The following GABRR1 variants were observed in gnomAD, a reference collection of about 807,000 sequenced individuals.
GABRR1 encodes gamma-aminobutyric acid type A receptor subunit rho1, also known as gamma-aminobutyric acid receptor subunit rho-1.
GABRR1 carries 59 observed loss-of-function variants against 55.5 expected under a neutral mutation model. That is an observed-to-expected ratio of 1.06 (90% confidence interval 0.86 to 1.32). The LOEUF (loss-of-function observed/expected upper bound fraction) is 1.32. Among genes scored for constraint, GABRR1 ranks in the 40% most tolerant of loss-of-function variants. The pLI is 0.00. For missense variants in GABRR1, 602 were observed against 619.1 expected (o/e 0.97, Z 0.29); for synonymous variants, 213 against 226.0 (o/e 0.94, Z 0.51).
intron 1 of GABRR1, among the ~76,000 whole-genome samples, chr6:89,206,489 C>T (rs1440110326): frequency 6.6e-6 from 1 of 152,214 alleles, no homozygotes; most frequent in African/African-American, 2.4e-5. Context: ...GCCACCTCCT[C>T]CTGAAAGCAT....
At chr6:89,219,132 G>C (rs943308178), upstream of GABRR1, among the ~76,000 whole-genome samples, 3 of 152,144 alleles carry the variant, frequency 2.0e-5, no homozygotes, top group Admixed American at 1.3e-4. Context: ...TCGGTGTGGT[G>C]GCGGGCACCT....
At chr6:89,190,676 G>A (rs988545267) in intron 5 of GABRR1, among the ~76,000 whole-genome samples, 2 of 152,130 alleles carry the variant, frequency 1.3e-5, no homozygotes, top group Non-Finnish European at 2.9e-5. Flanking sequence ...ACAATACAGT[G>A]TACACTTACC....
chr6:89,193,482 G>A (rs1772165132), intron 5 of GABRR1, among the ~76,000 whole-genome samples: 1 of 151,820 alleles, frequency 6.6e-6, no homozygotes, highest in Non-Finnish European at 1.5e-5. Flanking sequence ...AGGGAAAGGG[G>A]GTGTTTTCCT....
chr6:89,201,799 C>T (rs1002811651), intron 2 of GABRR1, among the ~76,000 whole-genome samples: 35 of 150,912 alleles, frequency 2.3e-4, no homozygotes, highest in African/African-American at 7.5e-4. Flanking sequence ...AAAAAAATAC[C>T]GATGCCCAGG....
At chr6:89,212,575 G>A (rs9444677) in intron 1 of GABRR1, among the ~76,000 whole-genome samples, 80,058 of 151,810 alleles carry the variant, frequency 0.53, 21,431 homozygotes, top group Middle Eastern at 0.61. Context: ...AGCTGGCATG[G>A]TCCAGGGGCC....
Position 89,230,548 on chromosome 6 carries a change from T to TG in GABRR1, c.-411+667dup, listed in dbSNP as rs1355025138. ...TGTGAGGTGTCAGTGTGCCCCTGCCTGGGGGTGCCTCCCAGTTAGGCTGCT... is the reference window on the plus strand; with the variant it reads ...TGTGAGGTGTCAGTGTGCCCCTGCCTGGGGGGTGCCTCCCAGTTAGGCTGCT... On this transcript the variant is annotated intron_variant, in intron 1 of 11. Transcript: ENST00000369451. Among the ~76,000 whole-genome samples the TG allele has an allele frequency of 6.6e-5, 10 of 152,184 alleles. No individual in the cohort carries two copies. The East Asian group carries it at 1.7e-3, about 26-fold the overall frequency.
chr6:89,205,894 CCG>C, intron 1 of GABRR1: 1 of 151,854 alleles, frequency 6.6e-6, no homozygotes, highest in South Asian at 2.1e-4. Context: ...CCTCCACCCC[CCG>C]CCCCCCCATC....
In GABRR1 at chr6:89,177,584, A is replaced by G. The variant is rs972981571; in HGVS notation, c.*1186T>C. 3.3e-5 allele frequency: 5 copies of G among 152,204 alleles called. No homozygotes were observed. The highest frequency in any genetic ancestry group is 1.2e-4 in the African/African-American group (5 of 41,450). 9.4% of individuals were successfully genotyped at this position (152,204 alleles called of 1,614,324 possible). On this transcript the variant is annotated 3_prime_UTR_variant, in exon 10 of 10. Transcript: ENST00000454853. The stretch of plus-strand genomic sequence containing the variant: ...GGGTAAGTTTGGTGGAGGTTGATCT[A>G]TATAGCAGATATATAATATAAATAA...
intron 5 of GABRR1, 131 bp from the exon 6 acceptor site, chr6:89,190,378 C>T: frequency 1.7e-6 from 1 of 580,004 alleles, no homozygotes; most frequent in Non-Finnish European, 3.0e-6. Flanking sequence ...AGCAATGTGT[C>T]AGGGTTTAGA....
intron 1 of GABRR1, among the ~76,000 whole-genome samples, chr6:89,214,671 T>C (rs1371061704): frequency 6.6e-6 from 1 of 152,092 alleles, no homozygotes; most frequent in Non-Finnish European, 1.5e-5. Context: ...CATTAGTCAT[T>C]AGGGAAATGC....
chr6:89,196,907 A>T (rs955739036), intron 5 of GABRR1, among the ~76,000 whole-genome samples: 4 of 151,258 alleles, frequency 2.6e-5, no homozygotes, highest in African/African-American at 7.3e-5. Context: ...AAAAGAAAAT[A>T]AAAAATCTGC....
At chr6:89,205,444 A>C (rs1428926631) in intron 1 of GABRR1, 3 of 152,282 alleles carry the variant, frequency 2.0e-5, no homozygotes, top group Admixed American at 2.0e-4. Context: ...TACCATGTTA[A>C]GATGATGCAG....
intron 1 of GABRR1, among the ~76,000 whole-genome samples, chr6:89,216,912 T>TA (rs1269701976): frequency 3.3e-5 from 5 of 151,894 alleles, no homozygotes; most frequent in African/African-American, 1.2e-4. Context: ...ATATTTTTTT[T>TA]AAATGTGCAT....
At chr6:89,201,046 C>A in intron 3 of GABRR1, 113 bp downstream of exon 3, 1 of 756,208 alleles carries the variant, frequency 1.3e-6, no homozygotes, top group South Asian at 1.7e-5. Flanking sequence ...CCAAGCACAA[C>A]TGAGGCAGAC....
chr6:89,203,450 G>A lies in GABRR1; in HGVS notation c.158C>T (p.Ala53Val). 1 of 1,613,174 alleles carries A rather than the reference G, an allele frequency of 6.2e-7. No homozygotes were observed. The highest frequency in any genetic ancestry group is 8.5e-7 in the Non-Finnish European group (1 of 1,179,200). The change falls in exon 2 of 10, where the codon GCC becomes GTC. Residue 53 changes from alanine (A) to valine (V), a missense_variant. Ala to Val is a moderately conservative substitution (Grantham distance 64). Coordinates refer to ENST00000454853, the MANE Select transcript of GABRR1 (RefSeq NM_002042.5). ...QRQRREVHED[A>V]HKQVSPILRR... ...ATGGCCATACCTGACTTGCTTGTGG[G>A]CATCTTCATGTACTTCTCGTCTTTG...
chr6:89,194,438 C>T (rs1165827488), intron 5 of GABRR1, among the ~76,000 whole-genome samples: 2 of 152,078 alleles, frequency 1.3e-5, no homozygotes, highest in Admixed American at 6.5e-5. Flanking sequence ...CAAAACTAGA[C>T]AGAGAAAACT....
Position 89,182,118 on chromosome 6 carries a change from T to C in GABRR1, c.797-61A>G, listed in dbSNP as rs554730081. 1.9e-6 allele frequency: 3 copies of C among 1,563,426 alleles called. No homozygotes were observed. The African/African-American group carries it at 4.1e-5, about 21-fold the overall frequency. ...TGGCTCCTTCATAAAACACATTTTA[T>C]TCAGGAAATTGTTAAGTGCCTTAGA... is the stretch of plus-strand genomic sequence containing the variant. On this transcript the variant is annotated intron_variant, in intron 7 of 9. Coordinates refer to ENST00000454853, the MANE Select transcript of GABRR1 (RefSeq NM_002042.5).
intron 4 of GABRR1, among the ~76,000 whole-genome samples, 178 bp downstream of exon 4, chr6:89,199,184 T>C (rs531563097): frequency 2.6e-5 from 4 of 152,244 alleles, no homozygotes; most frequent in African/African-American, 9.6e-5. Context: ...TCTGGCTCTG[T>C]TTCATACCAA....
chr6:89,195,359 A>C (rs933873329), intron 5 of GABRR1, among the ~76,000 whole-genome samples: 55 of 152,098 alleles, frequency 3.6e-4, no homozygotes, highest in African/African-American at 1.3e-3. Context: ...GCTACTTGAC[A>C]GGCTGAGGCA....
Sources: allele counts gnomAD v4.1 joint callset (sites outside exome capture counted in the v4.1 genomes callset), GRCh38; gene constraint gnomAD v4.1.1; transcripts MANE v1.5; gene names NCBI Gene and HGNC (gene_info 2026-07-23, HGNC 2026-07-21).